The following NCKAP5 variants were observed in gnomAD, a reference collection of about 807,000 sequenced individuals.
NCKAP5 encodes the protein NCK associated protein 5, also known as nck-associated protein 5.
NCKAP5 carries 92 observed loss-of-function variants against 167.0 expected under a neutral mutation model. The observed-to-expected ratio is 0.55, with a 90% CI of 0.47 to 0.66. The LOEUF (loss-of-function observed/expected upper bound fraction) is 0.66. Ranked by LOEUF, NCKAP5 falls within the 30% of genes least tolerant of loss-of-function variation. NCKAP5 has a pLI of 0.00. For synonymous variants in NCKAP5, 891 were observed against 877.4 expected (o/e 1.02, Z -0.27); for missense variants, 2,378 against 2,315.0 (o/e 1.03, Z -0.56).
intron 8 of NCKAP5, among the ~76,000 whole-genome samples, chr2:132,963,174 G>A (rs893200787): frequency 4.6e-5 from 7 of 152,096 alleles, no homozygotes; most frequent in Non-Finnish European, 7.3e-5. Context: ...ATCATATCCC[G>A]GTCTGGAGGT....
intron 3 of NCKAP5, among the ~76,000 whole-genome samples, chr2:133,410,319 A>T (rs1189813108): frequency 1.3e-5 from 2 of 152,232 alleles, no homozygotes; most frequent in Non-Finnish European, 2.9e-5. Flanking sequence ...ATGTCAATGA[A>T]ATTCATGGCC....
chr2:133,072,678 A>G (rs1268892314), intron 6 of NCKAP5, among the ~76,000 whole-genome samples: 1 of 152,218 alleles, frequency 6.6e-6, no homozygotes, highest in Non-Finnish European at 1.5e-5. Context: ...GTTCTAGGAA[A>G]TGAGATACGA....
chr2:132,713,376 G>T (rs1689045566), intron 19 of NCKAP5, among the ~76,000 whole-genome samples: 1 of 82,774 alleles, frequency 1.2e-5, no homozygotes, highest in Non-Finnish European at 2.4e-5. Flanking sequence ...ATCAAGCCTG[G>T]CAGTATCTGG....
At chr2:133,358,149 T>C (rs1350326814) in intron 3 of NCKAP5, among the ~76,000 whole-genome samples, 3 of 152,242 alleles carry the variant, frequency 2.0e-5, no homozygotes, top group Non-Finnish European at 4.4e-5. Context: ...TTTGCTGCAT[T>C]ACATTGAAAT....
chr2:133,076,754 T>C (rs947040846), intron 6 of NCKAP5, among the ~76,000 whole-genome samples: 2 of 152,186 alleles, frequency 1.3e-5, no homozygotes, highest in Non-Finnish European at 2.9e-5. Flanking sequence ...AGGCCATCCA[T>C]GGTCACAGGA....
chr2:132,882,061 C>G (rs750623212), intron 8 of NCKAP5, among the ~76,000 whole-genome samples: 3 of 152,196 alleles, frequency 2.0e-5, no homozygotes, highest in Non-Finnish European at 2.9e-5. Flanking sequence ...GTTCAAATCA[C>G]TCCAGCTTTG....
chr2:133,310,533 C>T (rs1681158867), intron 3 of NCKAP5, among the ~76,000 whole-genome samples: 1 of 152,226 alleles, frequency 6.6e-6, no homozygotes, highest in Non-Finnish European at 1.5e-5. Flanking sequence ...CTCTCCCTCC[C>T]TGGTATTCTC....
chr2:133,191,161 C>T (rs906423650), intron 5 of NCKAP5, among the ~76,000 whole-genome samples: 28 of 152,140 alleles, frequency 1.8e-4, no homozygotes, highest in South Asian at 8.3e-4. Context: ...AGCCAACAGA[C>T]ACATGAAAAA....
rs563870304 is a variant in NCKAP5, at chr2:133,178,129, G to A, written c.207+35587C>T. The stretch of plus-strand genomic sequence containing the variant: ...AGAACCTGGACTAGTTTCCCAAACT[G>A]GCAGTAACTAGGCAGATCCTCCCTT... On this transcript the variant is annotated intron_variant, in intron 5 of 19. Transcript: ENST00000409261. 4.6e-5 allele frequency among the ~76,000 whole-genome samples: 7 copies of A among 152,270 alleles called. No individual in the cohort carries two copies. The East Asian group carries it at 1.4e-3, about 29-fold the overall frequency.
chr2:133,531,771 G>C (rs1685383502), intron 2 of NCKAP5, among the ~76,000 whole-genome samples: 1 of 152,064 alleles, frequency 6.6e-6, no homozygotes, highest in Non-Finnish European at 1.5e-5. Context: ...GCTTTAAAAT[G>C]TTTCATTTTT....
chr2:133,664,253 A>G, the NCKAP5 span, among the ~76,000 whole-genome samples: 1 of 152,028 alleles, frequency 6.6e-6, no homozygotes, highest in African/African-American at 2.4e-5. Context: ...AGACTTCATT[A>G]TTTTATTTCT....
rs1212025622 is a variant in NCKAP5 at position 133,531,761 on chromosome 2, G to T, written c.-61-14174C>A. Among the ~76,000 whole-genome samples the T allele has an allele frequency of 2.0e-5, 3 of 152,034 alleles. No individual in the cohort carries two copies. In the East Asian group the frequency reaches 5.8e-4, roughly 29 times the overall value. On this transcript the variant is annotated intron_variant, in intron 2 of 19. Coordinates refer to ENST00000409261, the MANE Select transcript of NCKAP5 (RefSeq NM_207363.3). The stretch of plus-strand genomic sequence containing the variant: ...TTATACATTCTTGAATCTCTATAGT[G>T]CTTTAAAATGTTTCATTTTTAAAAA...
chr2:133,058,679 G>C (rs1282778948), intron 6 of NCKAP5, among the ~76,000 whole-genome samples: 5 of 152,178 alleles, frequency 3.3e-5, no homozygotes, highest in Admixed American at 2.0e-4. Flanking sequence ...ATATACTACT[G>C]TGAAGATACT....
At position 132,783,079 on chromosome 2, in the gene NCKAP5, A is replaced by G. The variant is rs1193727729; in HGVS notation, c.3732T>C (p.Asp1244=). 3.1e-6 allele frequency: 5 copies of G among 1,613,786 alleles called. No homozygotes were observed. The Admixed American group carries it at 6.7e-5, about 22-fold the overall frequency. The change falls in exon 14 of 20, where the codon GAT becomes GAC. Residue 1244 remains aspartate, a synonymous_variant. Transcript: ENST00000409261. The part of the protein sequence containing the change: ...ESSIPGSDGR[D]GVDNRSMRRS... ...TTCTCATGGATCTATTATCTACCCC[A>G]TCCCTTCCATCACTCCCAGGGATGC...
At chr2:133,035,328 C>T (rs1159205849) in intron 6 of NCKAP5, among the ~76,000 whole-genome samples, 1 of 151,918 alleles carries the variant, frequency 6.6e-6, no homozygotes, top group Non-Finnish European at 1.5e-5. Flanking sequence ...ATTGCAGGCC[C>T]CACTTTCAGC....
intron 7 of NCKAP5, among the ~76,000 whole-genome samples, chr2:132,987,996 G>T (rs909544598): frequency 6.6e-6 from 1 of 152,152 alleles, no homozygotes; most frequent in African/African-American, 2.4e-5. Context: ...CATAGTGACT[G>T]GTACACTGCA....
Position 132,963,788 on chromosome 2 carries a change from C to G in NCKAP5, c.511G>C (p.Glu171Gln). Residue 171 changes from glutamate (E) to glutamine (Q), a missense_variant, in exon 8 of 20, where the codon GAA (glutamate) becomes CAA (glutamine). Glu to Gln is a conservative substitution (Grantham distance 29). Transcript: ENST00000409261. Reference sequence around the variant, plus strand: ...TTTCCCTCATCTGTACTGCTGCTTTCACTCCTCGAATCCTCATCAACCACC... The same window carrying G: ...TTTCCCTCATCTGTACTGCTGCTTTGACTCCTCGAATCCTCATCAACCACC... Reference protein sequence around the residue: ...HMVVDEDSRSESSSTDEGKEK... With the variant: ...HMVVDEDSRSQSSSTDEGKEK... 1 of 1,613,914 alleles carries G rather than the reference C, an allele frequency of 6.2e-7. No individual in the cohort carries two copies. The highest frequency in any genetic ancestry group is 8.5e-7 in the Non-Finnish European group (1 of 1,179,858).
chr2:133,248,316 A>G (rs1487406484), intron 4 of NCKAP5, among the ~76,000 whole-genome samples: 8 of 152,202 alleles, frequency 5.3e-5, no homozygotes. Flanking sequence ...TTCCCGCCCT[A>G]TGCTATTCAG....
At chr2:133,330,323 G>A (rs1164986578) in intron 3 of NCKAP5, among the ~76,000 whole-genome samples, 1 of 132,252 alleles carries the variant, frequency 7.6e-6, no homozygotes, top group Non-Finnish European at 1.5e-5. Context: ...GGGCTCAAGT[G>A]ATCTGCCTGC....
Sources: allele counts gnomAD v4.1 joint callset (sites outside exome capture counted in the v4.1 genomes callset), GRCh38; gene constraint gnomAD v4.1.1; transcripts MANE v1.5; gene names NCBI Gene and HGNC (gene_info 2026-07-23, HGNC 2026-07-21).